CEP76: variants seen among roughly 807,000 people sequenced by gnomAD.
CEP76 encodes the protein centrosomal protein of 76 kDa.
Under a neutral mutation model 83.3 loss-of-function variants are expected in CEP76, and 55 were observed. The ratio of observed to expected loss-of-function variants is 0.66; its 90% CI spans 0.53 to 0.83. The LOEUF is 0.83. Among genes scored for constraint, CEP76 ranks in the 40% least tolerant of loss-of-function variants. The pLI is 0.00. For synonymous variants in CEP76, 270 were observed against 274.5 expected (o/e 0.98, Z 0.16); for missense variants, 694 against 799.5 (o/e 0.87, Z 1.59).
At chr18:12,686,120 G>GT in intron 8 of CEP76, 142 bp downstream of exon 8, 1 of 519,500 alleles carries the variant, frequency 1.9e-6, no homozygotes, top group Non-Finnish European at 3.2e-6. Flanking sequence ...TCTGCAGTTG[G>GT]TTGAATCTAC....
chr18:12,680,416 T>G (rs1342788214), intron 9 of CEP76, among the ~76,000 whole-genome samples: 3 of 151,044 alleles, frequency 2.0e-5, no homozygotes, highest in Non-Finnish European at 4.4e-5. Flanking sequence ...GCTAACATGG[T>G]GAAAACTTGT....
At position 12,678,202 on chromosome 18, in the gene CEP76, G is replaced by A; in HGVS notation, c.1530C>T (p.Pro510=). 4 of 1,614,166 alleles carry A rather than the reference G, an allele frequency of 2.5e-6. No homozygotes were observed. The highest frequency in any genetic ancestry group is 3.4e-6 in the Non-Finnish European group (4 of 1,180,014). The change falls in exon 10 of 12, where the codon CCC becomes CCT. Residue 510 remains proline (P), a synonymous_variant. Coordinates refer to ENST00000262127, the MANE Select transcript of CEP76 (RefSeq NM_024899.4). ...CAPGATTSLP[P]FPPLCASTID... is the part of the protein sequence containing the mutation. ...TTGTGGATGCACACAGAGGTGGAAA[G>A]GGAGGAAGGGATGTTGTAGCTCCAG...
downstream of CEP76, among the ~76,000 whole-genome samples, chr18:12,669,866 G>T (rs972819408): frequency 4.6e-5 from 7 of 151,676 alleles, no homozygotes; most frequent in African/African-American, 1.7e-4. Flanking sequence ...GTGTGGTGGC[G>T]CATGCCTGTA....
intron 6 of CEP76, among the ~76,000 whole-genome samples, chr18:12,691,969 T>C (rs149387354): frequency 1.2e-4 from 18 of 152,206 alleles, no homozygotes; most frequent in East Asian, 7.8e-4. Flanking sequence ...TCCGCCCGCC[T>C]TGGCCTCCCA....
At chr18:12,683,730 G>A (rs531872794) in intron 8 of CEP76, among the ~76,000 whole-genome samples, 7 of 151,610 alleles carry the variant, frequency 4.6e-5, no homozygotes, top group South Asian at 2.1e-4. Context: ...CAGCCTGGGC[G>A]ACAAGAGGAA....
intron 12 of CEP76, among the ~76,000 whole-genome samples, chr18:12,663,701 A>T (rs992128534): frequency 6.6e-6 from 1 of 152,188 alleles, no homozygotes; most frequent in African/African-American, 2.4e-5. Context: ...ACTGAATCAC[A>T]CTTTGCTGAT....
At chr18:12,693,490 A>G (rs993449338) in intron 6 of CEP76, among the ~76,000 whole-genome samples, 22 of 152,208 alleles carry the variant, frequency 1.4e-4, no homozygotes, top group Admixed American at 5.9e-4. Flanking sequence ...CATTTACTTT[A>G]TATGTCACAT....
chr18:12,686,499 A>AT, intron 7 of CEP76, 49 bp from the exon 8 acceptor site: 1 of 1,353,924 alleles, frequency 7.4e-7, no homozygotes, highest in South Asian at 1.3e-5. Context: ...ATCATCCCCA[A>AT]TTATGTTTTT....
chr18:12,664,427 G>A (rs1267764710), intron 12 of CEP76, among the ~76,000 whole-genome samples: 2 of 151,940 alleles, frequency 1.3e-5, no homozygotes, highest in South Asian at 2.1e-4. Context: ...GCATGTGCCT[G>A]TAGTCCCAGC....
Position 12,701,117 on chromosome 18 carries a change from T to C in CEP76, c.64-4A>G, listed in dbSNP as rs376980009. On this transcript the variant is annotated splice_region_variant and splice_polypyrimidine_tract_variant and intron_variant, in intron 1 of 11. Transcript: ENST00000262127. ...TTATTCTACCATGGACATCCATCTA[T>C]GTAGAAAACTCATATTACAATTTAT... is the stretch of plus-strand genomic sequence containing the variant. 28 of 1,604,196 alleles carry C rather than the reference T, an allele frequency of 1.7e-5. No individual in the cohort carries two copies. Among genetic ancestry groups the C allele is most frequent in the Non-Finnish European group, 2.4e-5 (28 of 1,175,764 alleles).
chr18:12,666,713 G>C (rs1468806826), intron 12 of CEP76, among the ~76,000 whole-genome samples: 1 of 151,352 alleles, frequency 6.6e-6, no homozygotes, highest in Non-Finnish European at 1.5e-5. Flanking sequence ...CCTCCTAAAG[G>C]GGTGGAATTA....
chr18:12,662,313 C>G (rs2038708251), intron 12 of CEP76: 1 of 359,994 alleles, frequency 2.8e-6, no homozygotes, highest in Non-Finnish European at 5.4e-6. Flanking sequence ...AGTTATACAA[C>G]TTGAAGGGTC....
chr18:12,688,242 A>C (rs993067162), intron 7 of CEP76, among the ~76,000 whole-genome samples: 52 of 152,004 alleles, frequency 3.4e-4, no homozygotes, highest in African/African-American at 7.2e-4. Context: ...AAAAAAAAAA[A>C]AAAAACAAAA....
downstream of CEP76, among the ~76,000 whole-genome samples, chr18:12,670,014 AAAAG>A (rs1325658808): frequency 6.6e-6 from 1 of 150,636 alleles, no homozygotes; most frequent in Non-Finnish European, 1.5e-5. Flanking sequence ...AAAGAAAAGA[AAAAG>A]AAAAAGAAAA....
In CEP76 at chr18:12,662,143, A is replaced by C. The variant is rs553998680; in HGVS notation, c.*1754T>G. ...CCAAGCTTTTCCCAGACACTTCTGG[A>C]CAAGTGCTCCTAAGAGGCACATTCA... On this transcript the variant is annotated 3_prime_UTR_variant and NMD_transcript_variant, in exon 13 of 13. Transcript: ENST00000590143. 1.3e-4 allele frequency: 57 copies of C among 452,120 alleles called. 2 individuals are homozygous for C. The highest frequency in any genetic ancestry group is 8.8e-4 in the South Asian group (56 of 63,308). The allele number at this position is 452,120 out of a possible 1,614,324, so 28.0% of individuals were successfully genotyped here.
Position 12,672,831 on chromosome 18 carries a change from A to C in CEP76, c.*534T>G. 1.0e-6 allele frequency: 1 copy of C among 984,984 alleles called. No homozygotes were observed. Among genetic ancestry groups the C allele is most frequent in the South Asian group, 4.7e-5 (1 of 21,280 alleles). 61.0% of individuals were successfully genotyped at this position (984,984 alleles called of 1,614,324 possible). ...CTCTTGCTTCAAGGTCCAACCATAA[A>C]TTTCTGGACAGTCTCAAATATCCCA... On this transcript the variant is annotated 3_prime_UTR_variant, in exon 12 of 12. Coordinates refer to ENST00000262127, the MANE Select transcript of CEP76 (RefSeq NM_024899.4).
At chr18:12,662,287 T>C (rs2038707372) in intron 12 of CEP76, 2 of 382,854 alleles carry the variant, frequency 5.2e-6, no homozygotes, top group Non-Finnish European at 1.0e-5. Flanking sequence ...ATTTATACTT[T>C]CAAAATGTGC....
chr18:12,681,682 A>C (rs980037005), intron 8 of CEP76, among the ~76,000 whole-genome samples: 4 of 152,172 alleles, frequency 2.6e-5, no homozygotes, highest in African/African-American at 9.7e-5. Flanking sequence ...ATTTCAAGAA[A>C]ATACATACAT....
chr18:12,689,859 C>T (rs11663668), intron 7 of CEP76, among the ~76,000 whole-genome samples: 11,626 of 152,134 alleles, frequency 0.076, 611 homozygotes, highest in Middle Eastern at 0.16. Flanking sequence ...GCGTGATCTT[C>T]GCTCACTGCA....
Sources: gnomAD v4.1 joint callset for allele counts (sites outside exome capture counted in the v4.1 genomes callset) on GRCh38, gnomAD v4.1.1 for gene constraint, MANE v1.5 for transcripts, NCBI Gene and HGNC (gene_info 2026-07-23, HGNC 2026-07-21) for gene names.